NFAT5: variants seen among roughly 807,000 people sequenced by gnomAD.
NFAT5 encodes the protein nuclear factor of activated T cells 5.
In NFAT5, 31 loss-of-function variants were observed where a neutral mutation model predicts 166.5. That is an observed-to-expected ratio of 0.19 (90% CI 0.14 to 0.25). The LOEUF is 0.25. NFAT5 is among the 10% of genes least tolerant of loss of function. NFAT5 has a pLI of 1.00. For synonymous variants in NFAT5, 612 were observed against 639.7 expected (o/e 0.96, Z 0.65); for missense variants, 1,449 against 1,821.8 (o/e 0.80, Z 3.72).
chr16:69,572,273 C>T (rs1468465328), intron 2 of NFAT5, among the ~76,000 whole-genome samples: 1 of 152,062 alleles, frequency 6.6e-6, no homozygotes, highest in African/African-American at 2.4e-5. Flanking sequence ...CTGGTAACCC[C>T]ATAATTAACA....
chr16:69,646,658 T>C, intron 3 of NFAT5: 1 of 427,058 alleles, frequency 2.3e-6, no homozygotes, highest in Non-Finnish European at 3.7e-6. Context: ...TAATTGGCAT[T>C]GAATGTGGAC....
intron 3 of NFAT5, among the ~76,000 whole-genome samples, chr16:69,641,106 C>T (rs1376367914): frequency 3.3e-5 from 5 of 151,106 alleles, no homozygotes; most frequent in Non-Finnish European, 7.4e-5. Flanking sequence ...GGTGAAACCC[C>T]GTCTCTACTA....
intron 3 of NFAT5, among the ~76,000 whole-genome samples, chr16:69,633,761 G>A (rs1250678125): frequency 1.3e-5 from 2 of 152,132 alleles, no homozygotes; most frequent in Admixed American, 1.3e-4. Context: ...AAGTTCTAGT[G>A]TTCTATACCA....
chr16:69,608,697 C>G (rs1260370231), intron 2 of NFAT5, among the ~76,000 whole-genome samples: 2 of 151,994 alleles, frequency 1.3e-5, no homozygotes, highest in Non-Finnish European at 2.9e-5. Context: ...TCACTGCAAG[C>G]TCTGCCTCCT....
At chr16:69,649,540 A>T (rs1350880027) in intron 4 of NFAT5, 1 of 984,460 alleles carries the variant, frequency 1.0e-6, no homozygotes, top group African/African-American at 1.7e-5. Flanking sequence ...AAATTCCATC[A>T]AGCAGAAGAA....
intron 2 of NFAT5, among the ~76,000 whole-genome samples, chr16:69,608,553 G>A (rs1000464552): frequency 5.9e-5 from 9 of 151,630 alleles, no homozygotes; most frequent in Non-Finnish European, 1.0e-4. Flanking sequence ...TCAGGAGATC[G>A]AGTCCATCCT....
At chr16:69,584,334 T>TG (rs2031896565) in intron 2 of NFAT5, among the ~76,000 whole-genome samples, 1 of 151,274 alleles carries the variant, frequency 6.6e-6, no homozygotes, top group African/African-American at 2.4e-5. Context: ...TTTTTTTTTT[T>TG]GACAGAGTGT....
chr16:69,567,272 C>T (rs1381060662), intron 1 of NFAT5, among the ~76,000 whole-genome samples: 1 of 152,212 alleles, frequency 6.6e-6, no homozygotes, highest in East Asian at 1.9e-4. Context: ...GGATTCCCAG[C>T]ATCTGAAATA....
At chr16:69,609,650 A>C (rs1169338712) in intron 2 of NFAT5, among the ~76,000 whole-genome samples, 5 of 152,096 alleles carry the variant, frequency 3.3e-5, no homozygotes, top group Non-Finnish European at 1.5e-5. Flanking sequence ...AGGTCTGAAT[A>C]CTTGCTTGTG....
chr16:69,571,986 T>C (rs2016469092), intron 2 of NFAT5, among the ~76,000 whole-genome samples: 1 of 152,050 alleles, frequency 6.6e-6, no homozygotes, highest in African/African-American at 2.4e-5. Context: ...ATGGTCTCGA[T>C]CTCCTGATCT....
At chr16:69,601,129 A>ATTTTT (rs945664086) in intron 2 of NFAT5, among the ~76,000 whole-genome samples, 1 of 151,316 alleles carries the variant, frequency 6.6e-6, no homozygotes, top group Non-Finnish European at 1.5e-5. Context: ...GCACTTAAAC[A>ATTTTT]TTTTTTTTTA....
Position 69,692,059 on chromosome 16 carries a change from C to T in NFAT5, c.2234C>T (p.Thr745Ile). Residue 745 changes from threonine (T) to isoleucine (I), a missense_variant, in exon 13 of 15, where the codon ACA (threonine) becomes ATA (isoleucine). Coordinates refer to ENST00000349945, the MANE Select transcript of NFAT5 (RefSeq NM_138713.4). ...QSREILQSDG[T>I]VVNLSQLTEA... ...AGAGAGATATTACAGTCAGATGGTA[C>T]AGTGGTTAATTTGTCACAACTGACT... 1 of 1,614,122 alleles carries T rather than the reference C, an allele frequency of 6.2e-7. No homozygotes were observed. Among genetic ancestry groups the T allele is most frequent in the Middle Eastern group, 1.6e-4 (1 of 6,062 alleles).
chr16:69,607,023 AG>A (rs2033448742), intron 2 of NFAT5, among the ~76,000 whole-genome samples: 2 of 152,176 alleles, frequency 1.3e-5, no homozygotes, highest in South Asian at 4.1e-4. Context: ...CAGAAATTAT[AG>A]TTTTTATTTA....
At chr16:69,599,109 A>G (rs1405706121) in intron 2 of NFAT5, among the ~76,000 whole-genome samples, 2 of 151,948 alleles carry the variant, frequency 1.3e-5, no homozygotes, top group African/African-American at 4.8e-5. Flanking sequence ...GATTCAAGGA[A>G]TGGAGGTTGG....
rs575782802 is a variant in NFAT5, at chr16:69,588,308, T to G, written c.127+19760T>G. Among the ~76,000 whole-genome samples, 8 of 152,332 alleles carry G rather than the reference T, an allele frequency of 5.3e-5. No homozygotes were observed. The East Asian group carries it at 1.5e-3, about 29-fold the overall frequency. On this transcript the variant is annotated intron_variant, in intron 2 of 14. Coordinates refer to ENST00000349945, the MANE Select transcript of NFAT5 (RefSeq NM_138713.4). ...CTGATAGATAACCTGACTAGCATAT[T>G]AGCTTAATATCTTTTCTAATTATAA...
chr16:69,612,012 T>C (rs1043334070), intron 2 of NFAT5, among the ~76,000 whole-genome samples: 5 of 152,240 alleles, frequency 3.3e-5, no homozygotes, highest in African/African-American at 1.2e-4. Context: ...TACTGAGCTG[T>C]CGTTCATTTT....
intron 10 of NFAT5, among the ~76,000 whole-genome samples, chr16:69,679,326 C>T (rs1346326655): frequency 2.0e-5 from 3 of 151,864 alleles, no homozygotes; most frequent in Non-Finnish European, 4.4e-5. Context: ...GTTAAAATAC[C>T]CCTTGAAGGC....
chr16:69,587,138 A>G (rs1329123732), intron 2 of NFAT5, among the ~76,000 whole-genome samples: 1 of 152,128 alleles, frequency 6.6e-6, no homozygotes, highest in African/African-American at 2.4e-5. Context: ...GCTAGAGTGC[A>G]GTGGCGCGAT....
At position 69,693,806 on chromosome 16, in the gene NFAT5, T is replaced by C. The variant is rs2037657098; in HGVS notation, c.3981T>C (p.Phe1327=). 1 of 1,614,208 alleles carries C rather than the reference T, an allele frequency of 6.2e-7. No individual in the cohort carries two copies. The highest frequency in any genetic ancestry group is 1.1e-5 in the South Asian group (1 of 91,082). Residue 1327 remains phenylalanine, a synonymous_variant, in exon 13 of 15, where the codon TTT becomes TTC. Coordinates refer to ENST00000349945, the MANE Select transcript of NFAT5 (RefSeq NM_138713.4). ...ANQEQQNQSI[F]HQQSNMAPMN... is the part of the protein sequence containing the mutation. ...AGGAGCAACAGAACCAGTCAATTTT[T>C]CACCAACAAAGTAACATGGCCCCAA...
Sources: allele counts gnomAD v4.1 joint callset (sites outside exome capture counted in the v4.1 genomes callset), GRCh38; gene constraint gnomAD v4.1.1; transcripts MANE v1.5; gene names NCBI Gene and HGNC (gene_info 2026-07-23, HGNC 2026-07-21).